PARD3: variants seen among roughly 807,000 people sequenced by gnomAD.
PARD3 encodes par-3 family cell polarity regulator, also known as partitioning defective 3 homolog.
Under a neutral mutation model 155.4 loss-of-function variants are expected in PARD3, and 75 were observed. The observed-to-expected ratio is 0.48, with a 90% CI of 0.40 to 0.58. The LOEUF (loss-of-function observed/expected upper bound fraction) is 0.58. PARD3 is among the 20% of genes least tolerant of loss of function. The pLI, the probability that PARD3 is intolerant of heterozygous loss-of-function variation, is 0.00. For synonymous variants in PARD3, 576 were observed against 610.5 expected, an observed-to-expected ratio of 0.94 and a Z score of 0.83; for missense variants, 1,642 against 1,721.7, an observed-to-expected ratio of 0.95 and a Z score of 0.82.
Position 34,359,132 on chromosome 10 carries a change from T to C in PARD3, c.2067+15A>G, listed in dbSNP as rs1192029083. ...TTTACAATTTTAGATACTAGCACTT[T>C]TTTGCATTTCTTACCTCATTGCACT... On this transcript the variant is annotated intron_variant, in intron 14 of 24. Transcript: ENST00000374788. The C allele has an allele frequency of 8.1e-6, 13 of 1,601,088 alleles. No individual in the cohort carries two copies. The highest frequency in any genetic ancestry group is 1.1e-5 in the South Asian group (1 of 88,920).
chr10:34,374,485 A>G (rs990634909), intron 11 of PARD3, among the ~76,000 whole-genome samples: 2 of 152,206 alleles, frequency 1.3e-5, no homozygotes, highest in African/African-American at 4.8e-5. Flanking sequence ...ATGTACTATG[A>G]AAATGTGAAA....
intron 1 of PARD3, among the ~76,000 whole-genome samples, chr10:34,706,936 T>C (rs1215213155): frequency 6.6e-6 from 1 of 151,950 alleles, no homozygotes; most frequent in Admixed American, 6.6e-5. Context: ...AGTGAGATCC[T>C]GTCTCCACAA....
chr10:34,762,468 A>ATTTTT (rs1305976011), intron 1 of PARD3, among the ~76,000 whole-genome samples: 1 of 82,932 alleles, frequency 1.2e-5, no homozygotes, highest in African/African-American at 4.2e-5. Flanking sequence ...ACCATGCCTG[A>ATTTTT]CTTTTTTTTT....
At chr10:34,218,867 T>TA (rs915560487) in intron 22 of PARD3, among the ~76,000 whole-genome samples, 2 of 152,120 alleles carry the variant, frequency 1.3e-5, no homozygotes, top group Non-Finnish European at 2.9e-5. Context: ...CTAACTGTTC[T>TA]ATAATCAGTG....
chr10:34,674,171 ACTGT>A (rs1352492762), intron 2 of PARD3, among the ~76,000 whole-genome samples: 1 of 152,164 alleles, frequency 6.6e-6, no homozygotes, highest in Non-Finnish European at 1.5e-5. Flanking sequence ...AAGAAGTAGC[ACTGT>A]CTATTGTACA....
chr10:34,739,844 G>A (rs1165830956), intron 1 of PARD3, among the ~76,000 whole-genome samples: 1 of 152,142 alleles, frequency 6.6e-6, no homozygotes, highest in Admixed American at 6.6e-5. Context: ...GGATCTCTCT[G>A]CACATACCAC....
At chr10:34,615,401 T>TAACC (rs533452319) in intron 2 of PARD3, among the ~76,000 whole-genome samples, 2,091 of 152,196 alleles carry the variant, frequency 0.014, 26 homozygotes, top group Non-Finnish European at 0.02. Context: ...GGAAACAGTG[T>TAACC]AACCATGGGC....
In PARD3 at chr10:34,466,548, T is replaced by C. The variant is rs776381086; in HGVS notation, c.582+3537A>G. Among the ~76,000 whole-genome samples the C allele has an allele frequency of 2.4e-4, 36 of 152,182 alleles. 1 individual carries two copies. The highest frequency in any genetic ancestry group is 2.5e-4 in the Non-Finnish European group (17 of 68,040). On this transcript the variant is annotated intron_variant, in intron 4 of 24. Transcript: ENST00000374788. Reference sequence around the variant, plus strand: ...CACTTAACTATGTAGATGAGTTATTTAAGAATGTTAACTTATTTTAACCAC... The same window carrying C: ...CACTTAACTATGTAGATGAGTTATTCAAGAATGTTAACTTATTTTAACCAC...
intron 1 of PARD3, among the ~76,000 whole-genome samples, chr10:34,798,613 G>T (rs1428144448): frequency 6.6e-6 from 1 of 151,254 alleles, no homozygotes; most frequent in Non-Finnish European, 1.5e-5. Context: ...GCTGAGGCAG[G>T]AGAGTCACTA....
Position 34,137,911 on chromosome 10 carries a change from C to A in PARD3, c.3420-6328G>T, listed in dbSNP as rs563435580. 2.0e-5 allele frequency among the ~76,000 whole-genome samples: 3 copies of A among 152,294 alleles called. No homozygotes were observed. In the South Asian group the frequency reaches 6.2e-4, roughly 32 times the overall value. On this transcript the variant is annotated intron_variant, in intron 22 of 24. Transcript: ENST00000374788. ...GCACTGCAGCAATAAACGTTCTAGA[C>A]CTCCCTCCTCAGACCGCCCCCACAC...
intron 5 of PARD3, among the ~76,000 whole-genome samples, chr10:34,429,148 A>G (rs1380209010): frequency 6.6e-6 from 1 of 152,180 alleles, no homozygotes; most frequent in Non-Finnish European, 1.5e-5. Flanking sequence ...CTTGAAAAAG[A>G]CTTAGTTTCT....
chr10:34,589,859 T>C (rs1207178380), intron 2 of PARD3, among the ~76,000 whole-genome samples: 3 of 152,172 alleles, frequency 2.0e-5, no homozygotes, highest in Non-Finnish European at 2.9e-5. Context: ...AGAAGTCATA[T>C]GTATCAGTAA....
At chr10:34,487,282 C>T (rs1172067044) in intron 3 of PARD3, among the ~76,000 whole-genome samples, 1 of 152,042 alleles carries the variant, frequency 6.6e-6, no homozygotes, top group Non-Finnish European at 1.5e-5. Context: ...TCATGCTTGA[C>T]TTCACTTAGA....
chr10:34,468,790 G>T (rs1049426933), intron 4 of PARD3, among the ~76,000 whole-genome samples: 65 of 152,180 alleles, frequency 4.3e-4, no homozygotes, highest in Middle Eastern at 3.4e-3. Context: ...TTACTACAGA[G>T]AGGAGTGTGC....
intron 22 of PARD3, among the ~76,000 whole-genome samples, chr10:34,221,295 G>A (rs1418427198): frequency 3.3e-5 from 5 of 151,852 alleles, no homozygotes; most frequent in South Asian, 2.1e-4. Context: ...CCCTATGAGC[G>A]CAAGCTTCCC....
intron 22 of PARD3, among the ~76,000 whole-genome samples, chr10:34,243,354 ATCACAT>A (rs1287715080): frequency 2.0e-5 from 3 of 152,178 alleles, no homozygotes; most frequent in Non-Finnish European, 4.4e-5. Context: ...TGCCCAATAC[ATCACAT>A]TCAGAGATTA....
chr10:34,574,338 T>C (rs2086718208), intron 2 of PARD3, among the ~76,000 whole-genome samples: 1 of 152,214 alleles, frequency 6.6e-6, no homozygotes, highest in Admixed American at 6.5e-5. Flanking sequence ...GACAGACATA[T>C]CTAGTCTCTC....
chr10:34,698,500 G>A (rs1292506174), intron 1 of PARD3, among the ~76,000 whole-genome samples: 1 of 152,078 alleles, frequency 6.6e-6, no homozygotes, highest in Non-Finnish European at 1.5e-5. Flanking sequence ...AGCTTTTCCT[G>A]ACCATCACAC....
chr10:34,733,830 T>C (rs1023932438), intron 1 of PARD3, among the ~76,000 whole-genome samples: 2 of 152,190 alleles, frequency 1.3e-5, no homozygotes, highest in Admixed American at 6.5e-5. Flanking sequence ...GTATTTGTTC[T>C]GGAAAGCAGA....
Sources: allele counts gnomAD v4.1 joint callset (sites outside exome capture counted in the v4.1 genomes callset), GRCh38; gene constraint gnomAD v4.1.1; transcripts MANE v1.5; gene names NCBI Gene and HGNC (gene_info 2026-07-23, HGNC 2026-07-21).